The following UBE2QL1 variants were observed in gnomAD, a reference collection of about 807,000 sequenced individuals.
UBE2QL1 encodes the protein ubiquitin conjugating enzyme E2 QL1, also known as ubiquitin-conjugating enzyme E2Q-like protein 1.
UBE2QL1 carries 5 observed loss-of-function variants against 12.6 expected under a neutral mutation model. The ratio of observed to expected loss-of-function variants is 0.40; its 90% CI spans 0.21 to 0.83. UBE2QL1 has a LOEUF of 0.83. Ranked by LOEUF, UBE2QL1 falls within the 40% of genes least tolerant of loss-of-function variation. The pLI is 0.37. For synonymous variants in UBE2QL1, 96 were observed against 94.5 expected, an observed-to-expected ratio of 1.02 and a Z score of -0.10; for missense variants, 99 against 222.6, an observed-to-expected ratio of 0.44 and a Z score of 3.53.
At chr5:6,475,653 C>G (rs914580896) in intron 1 of UBE2QL1, among the ~76,000 whole-genome samples, 12 of 126,464 alleles carry the variant, frequency 9.5e-5, no homozygotes, top group African/African-American at 3.8e-4. Flanking sequence ...CAGTGTGAGC[C>G]AAGGGAAGGG....
chr5:6,494,697 A>G lies in UBE2QL1; in HGVS notation c.*3348A>G, dbSNP rs1384182014. On this transcript the variant is annotated 3_prime_UTR_variant, in exon 2 of 2. Transcript: ENST00000399816. ...GGCTTTAATTAGAACCCACTTAGATATCGACTCAGAATGATCAATTACAGT... is the reference window on the plus strand; with the variant it reads ...GGCTTTAATTAGAACCCACTTAGATGTCGACTCAGAATGATCAATTACAGT... The G allele has an allele frequency of 6.6e-6, 1 of 152,234 alleles. No homozygotes were observed. The highest frequency in any genetic ancestry group is 2.4e-5 in the African/African-American group (1 of 41,470). 9.4% of individuals were successfully genotyped at this position (152,234 alleles called of 1,614,324 possible).
At chr5:6,460,142 G>C (rs1310752606) in intron 1 of UBE2QL1, among the ~76,000 whole-genome samples, 1 of 152,162 alleles carries the variant, frequency 6.6e-6, no homozygotes, top group African/African-American at 2.4e-5. Flanking sequence ...CAGAGGCAAG[G>C]CTCCAGCGCC....
At chr5:6,484,064 T>G (rs1484886061) in intron 1 of UBE2QL1, among the ~76,000 whole-genome samples, 1 of 151,814 alleles carries the variant, frequency 6.6e-6, no homozygotes, top group Non-Finnish European at 1.5e-5. Context: ...ATTCAACACA[T>G]TTTTTAGCTA....
At chr5:6,464,196 G>A (rs1254712711) in intron 1 of UBE2QL1, among the ~76,000 whole-genome samples, 1 of 152,184 alleles carries the variant, frequency 6.6e-6, no homozygotes, top group Non-Finnish European at 1.5e-5. Context: ...CAAGACCTCA[G>A]TGATGCTTTT....
Position 6,491,523 on chromosome 5 carries a change from G to C in UBE2QL1, c.*174G>C. The C allele has an allele frequency of 1.3e-6, 1 of 789,072 alleles. No individual in the cohort carries two copies. The highest frequency in any genetic ancestry group is 1.8e-6 in the Non-Finnish European group (1 of 549,046). The allele number at this position is 789,072 out of a possible 1,614,324, so 48.9% of individuals were successfully genotyped here. ...AAAGATGTGTGTACAGAGAGGAAGA[G>C]GGAGCAAATGCCGTTCGGATTATGT... On this transcript the variant is annotated 3_prime_UTR_variant, in exon 2 of 2. Coordinates refer to ENST00000399816, the MANE Select transcript of UBE2QL1 (RefSeq NM_001145161.3).
At chr5:6,483,225 C>A (rs1280101383) in intron 1 of UBE2QL1, among the ~76,000 whole-genome samples, 1 of 152,108 alleles carries the variant, frequency 6.6e-6, no homozygotes, top group African/African-American at 2.4e-5. Context: ...CACTCAAGGT[C>A]AGGAGTTCAA....
rs1168206061 is a variant in UBE2QL1, at chr5:6,495,685, G to A, written c.*4336G>A. Reference sequence around the variant, plus strand: ...CCAAAGCAAATTGGAGCAAAGGGCAGAAATTCCCTCCAACTGTTTTGGGAA... The same window carrying A: ...CCAAAGCAAATTGGAGCAAAGGGCAAAAATTCCCTCCAACTGTTTTGGGAA... On this transcript the variant is annotated 3_prime_UTR_variant, in exon 2 of 2. Coordinates refer to ENST00000399816, the MANE Select transcript of UBE2QL1 (RefSeq NM_001145161.3). 3.3e-5 allele frequency among the ~76,000 whole-genome samples: 5 copies of A among 152,200 alleles called. No homozygotes were observed. The highest frequency in any genetic ancestry group is 7.3e-5 in the Non-Finnish European group (5 of 68,038).
intron 1 of UBE2QL1, among the ~76,000 whole-genome samples, chr5:6,459,494 G>A (rs114263784): frequency 1.1e-3 from 162 of 152,238 alleles, no homozygotes; most frequent in African/African-American, 3.7e-3. Flanking sequence ...GCCACCTGGA[G>A]GACTGCATGG....
rs575324912 is a variant in UBE2QL1 at position 6,496,643 on chromosome 5, G to C, written c.*5294G>C. The stretch of plus-strand genomic sequence containing the variant: ...GTGAGTGCATGAGTCAAATAATCTA[G>C]AGGCACTGCCCTAATGAGAAAAAAA... On this transcript the variant is annotated 3_prime_UTR_variant, in exon 2 of 2. Coordinates refer to ENST00000399816, the MANE Select transcript of UBE2QL1 (RefSeq NM_001145161.3). 3.3e-5 allele frequency among the ~76,000 whole-genome samples: 5 copies of C among 151,694 alleles called. 1 individual carries two copies. The highest frequency in any genetic ancestry group is 9.7e-5 in the African/African-American group (4 of 41,136).
chr5:6,485,297 A>G (rs1165740245), intron 1 of UBE2QL1, among the ~76,000 whole-genome samples: 1 of 152,126 alleles, frequency 6.6e-6, no homozygotes, highest in East Asian at 1.9e-4. Context: ...CATTGATCTG[A>G]TTTGGGAATG....
intron 1 of UBE2QL1, among the ~76,000 whole-genome samples, chr5:6,449,707 C>T (rs547969463): frequency 1.2e-3 from 184 of 151,254 alleles, no homozygotes; most frequent in African/African-American, 4.2e-3. Context: ...CTTCTCCACC[C>T]TCCCTGGCTC....
chr5:6,468,884 G>A (rs1739850883), intron 1 of UBE2QL1, among the ~76,000 whole-genome samples: 1 of 152,200 alleles, frequency 6.6e-6, no homozygotes, highest in East Asian at 1.9e-4. Context: ...CACTTTACGT[G>A]CATTCTTGTT....
chr5:6,464,302 A>G (rs1175194276), intron 1 of UBE2QL1, among the ~76,000 whole-genome samples: 6 of 152,220 alleles, frequency 3.9e-5, no homozygotes, highest in Non-Finnish European at 7.3e-5. Context: ...GTCCTGCAGT[A>G]GGAACAATGA....
At chr5:6,463,448 G>T (rs1484177475) in intron 1 of UBE2QL1, among the ~76,000 whole-genome samples, 1 of 151,886 alleles carries the variant, frequency 6.6e-6, no homozygotes, top group Non-Finnish European at 1.5e-5. Context: ...GGAACAGGGT[G>T]GTGGCCTCAC....
chr5:6,472,286 G>A (rs1739928604), intron 1 of UBE2QL1, among the ~76,000 whole-genome samples: 2 of 152,120 alleles, frequency 1.3e-5, no homozygotes, highest in Admixed American at 6.5e-5. Context: ...CAGGAATATG[G>A]CTACTCACCT....
At chr5:6,467,502 G>A (rs1739822000) in intron 1 of UBE2QL1, among the ~76,000 whole-genome samples, 1 of 151,970 alleles carries the variant, frequency 6.6e-6, no homozygotes, top group Non-Finnish European at 1.5e-5. Flanking sequence ...ATTGGATTAG[G>A]CCCCAACCTG....
chr5:6,489,893 T>C (rs1329069565), intron 1 of UBE2QL1, among the ~76,000 whole-genome samples: 1 of 152,198 alleles, frequency 6.6e-6, no homozygotes, highest in South Asian at 2.1e-4. Flanking sequence ...CACATCCCAG[T>C]ACGTGCCCAC....
intron 1 of UBE2QL1, among the ~76,000 whole-genome samples, chr5:6,469,877 T>G (rs1343490176): frequency 2.6e-5 from 4 of 152,182 alleles, no homozygotes; most frequent in African/African-American, 9.7e-5. Context: ...GAGAAGGAGA[T>G]GGCTCTAATT....
intron 1 of UBE2QL1, among the ~76,000 whole-genome samples, chr5:6,457,662 A>C (rs935930738): frequency 6.6e-6 from 1 of 152,208 alleles, no homozygotes; most frequent in Non-Finnish European, 1.5e-5. Context: ...TGCTGTTGTT[A>C]TTCCCATTTT....
Sources: gnomAD v4.1 joint callset for allele counts (sites outside exome capture counted in the v4.1 genomes callset) on GRCh38, gnomAD v4.1.1 for gene constraint, MANE v1.5 for transcripts, NCBI Gene and HGNC (gene_info 2026-07-23, HGNC 2026-07-21) for gene names.